The following PCNX1 variants were observed in gnomAD, a reference collection of about 807,000 sequenced individuals.
PCNX1 encodes pecanex 1.
A neutral mutation model predicts 242.2 loss-of-function variants in PCNX1; 78 were observed. The ratio of observed to expected loss-of-function variants is 0.32; its 90% CI spans 0.27 to 0.39. PCNX1 has a LOEUF of 0.39. PCNX1 is among the 10% of genes least tolerant of loss of function. PCNX1 has a pLI of 1.00. For missense variants in PCNX1, 2,581 were observed against 2,856.5 expected, an observed-to-expected ratio of 0.90 and a Z score of 2.20; for synonymous variants, 1,024 against 1,032.9, an observed-to-expected ratio of 0.99 and a Z score of 0.17.
At chr14:70,952,580 GA>G (rs1267408480) in intron 2 of PCNX1, among the ~76,000 whole-genome samples, 2 of 148,766 alleles carry the variant, frequency 1.3e-5, no homozygotes, top group Non-Finnish European at 1.5e-5. Flanking sequence ...CTCTATGAGA[GA>G]TTTTTTTTTT....
intron 8 of PCNX1, among the ~76,000 whole-genome samples, chr14:71,002,433 CAG>C (rs1289034007): frequency 2.6e-5 from 4 of 152,278 alleles, no homozygotes; most frequent in African/African-American, 9.6e-5. Flanking sequence ...GGAGTTTTAA[CAG>C]ATGTGTATAC....
At chr14:70,936,917 G>T (rs549940448) in intron 1 of PCNX1, among the ~76,000 whole-genome samples, 1 of 152,306 alleles carries the variant, frequency 6.6e-6, no homozygotes, top group African/African-American at 2.4e-5. Context: ...TCTGTTGGCT[G>T]GATAAATGTC....
chr14:71,095,872 TTTTC>T (rs2062262574), intron 30 of PCNX1, among the ~76,000 whole-genome samples: 1 of 152,322 alleles, frequency 6.6e-6, no homozygotes. Context: ...TTTTTGTTCA[TTTTC>T]TTAAGAATAT....
intron 9 of PCNX1, among the ~76,000 whole-genome samples, chr14:71,011,150 T>C (rs1008308841): frequency 6.6e-6 from 1 of 152,194 alleles, no homozygotes; most frequent in Non-Finnish European, 1.5e-5. Context: ...TTATTGTGTC[T>C]TTACTGATTC....
chr14:70,927,850 A>G (rs2140137878), intron 1 of PCNX1, among the ~76,000 whole-genome samples: 1 of 152,224 alleles, frequency 6.6e-6, no homozygotes, highest in East Asian at 1.9e-4. Context: ...GGCCTCCCAA[A>G]GTGCTGGCAT....
At chr14:71,000,468 A>G (rs2059470468) in intron 8 of PCNX1, among the ~76,000 whole-genome samples, 1 of 149,848 alleles carries the variant, frequency 6.7e-6, no homozygotes, top group Admixed American at 6.6e-5. Flanking sequence ...TGAGTTTTGT[A>G]TCTTGCTTTT....
At chr14:71,058,842 T>C (rs1351891601) in intron 26 of PCNX1, among the ~76,000 whole-genome samples, 2 of 152,234 alleles carry the variant, frequency 1.3e-5, no homozygotes. Context: ...CTTCAAAATA[T>C]CTTATTCTTG....
rs920818975 is a variant in PCNX1, at chr14:70,983,908, A to G, written c.2312-4659A>G. On this transcript the variant is annotated intron_variant, in intron 6 of 35. Transcript: ENST00000304743. The stretch of plus-strand genomic sequence containing the variant: ...ACTAAGAAAGGGAAAAACTATTTAG[A>G]TAAAGTGGATTTCATGCCTAGACTA... 2.3e-4 allele frequency among the ~76,000 whole-genome samples: 35 copies of G among 151,490 alleles called. 1 individual carries two copies. The highest frequency in any genetic ancestry group is 8.5e-4 in the African/African-American group (35 of 41,394).
chr14:71,106,220 A>G (rs544015184), intron 33 of PCNX1, among the ~76,000 whole-genome samples: 4 of 151,670 alleles, frequency 2.6e-5, no homozygotes, highest in East Asian at 1.9e-4. Flanking sequence ...GGTTTCAACC[A>G]TGTTAGCCAG....
chr14:71,025,309 T>C (rs2060210708), intron 13 of PCNX1, among the ~76,000 whole-genome samples: 1 of 152,212 alleles, frequency 6.6e-6, no homozygotes, highest in Non-Finnish European at 1.5e-5. Context: ...TCTGTGTCCT[T>C]TTGACATATC....
rs374356509 is a variant in PCNX1 at position 71,109,772 on chromosome 14, C to A, written c.6886-23C>A. On this transcript the variant is annotated intron_variant, in intron 35 of 35. Coordinates refer to ENST00000304743, the MANE Select transcript of PCNX1 (RefSeq NM_014982.3). ...TATTCCAGGTCTCCAGTGCTAACTT[C>A]TTGTTTTATTCTGAATCATTAGGTG... The A allele has an allele frequency of 2.4e-4, 390 of 1,612,984 alleles. 1 individual carries two copies. Among genetic ancestry groups the A allele is most frequent in the Middle Eastern group, 4.9e-4 (3 of 6,082 alleles).
chr14:71,052,395 T>G (rs1045326400), intron 24 of PCNX1, among the ~76,000 whole-genome samples: 1 of 152,056 alleles, frequency 6.6e-6, no homozygotes, highest in Non-Finnish European at 1.5e-5. Flanking sequence ...GTATTTTTTG[T>G]AGAGATGGAG....
chr14:70,934,719 A>G (rs542178174), intron 1 of PCNX1, among the ~76,000 whole-genome samples: 14 of 152,326 alleles, frequency 9.2e-5, no homozygotes, highest in African/African-American at 3.4e-4. Context: ...ATAAAACATT[A>G]AAGTAGTCAG....
intron 8 of PCNX1, among the ~76,000 whole-genome samples, chr14:71,003,948 G>T (rs749689305): frequency 2.6e-5 from 4 of 152,192 alleles, no homozygotes; most frequent in Non-Finnish European, 5.9e-5. Flanking sequence ...ATTGAAACTT[G>T]AAGTTACAAG....
intron 30 of PCNX1, among the ~76,000 whole-genome samples, chr14:71,098,012 G>A (rs2062342995): frequency 6.6e-6 from 1 of 152,170 alleles, no homozygotes; most frequent in East Asian, 1.9e-4. Context: ...TGGCTAGCCA[G>A]CTACCCTAGC....
intron 28 of PCNX1, 46 bp from the exon 29 acceptor site, chr14:71,088,284 T>C: frequency 9.3e-7 from 1 of 1,074,312 alleles, no homozygotes; most frequent in African/African-American, 1.5e-5. Flanking sequence ...ATTTGTTAAA[T>C]ACTTACATAC....
intron 19 of PCNX1, among the ~76,000 whole-genome samples, chr14:71,042,773 T>C (rs2060747828): frequency 6.6e-6 from 1 of 152,162 alleles, no homozygotes; most frequent in African/African-American, 2.4e-5. Context: ...TTCATTGTTT[T>C]CTGAATGTTT....
chr14:70,910,053 CCT>C, intron 1 of PCNX1, among the ~76,000 whole-genome samples: 8 of 81,748 alleles, frequency 9.8e-5, no homozygotes, highest in African/African-American at 3.4e-4. Context: ...TCCTCCTCCT[CCT>C]CCTCCTCCCC....
At chr14:71,051,838 CTG>C in intron 23 of PCNX1, 43 bp from the exon 24 acceptor site, 1 of 1,590,686 alleles carries the variant, frequency 6.3e-7, no homozygotes, top group Non-Finnish European at 8.5e-7. Flanking sequence ...TGTTTGGCAT[CTG>C]TGCTCAGATG....
Sources: allele counts gnomAD v4.1 joint callset (sites outside exome capture counted in the v4.1 genomes callset), GRCh38; gene constraint gnomAD v4.1.1; transcripts MANE v1.5; gene names NCBI Gene and HGNC (gene_info 2026-07-23, HGNC 2026-07-21).